The following PUDP variants were observed in gnomAD, a reference collection of about 807,000 sequenced individuals.
The protein encoded by PUDP is pseudouridine 5'-phosphatase, also known as pseudouridine-5'-phosphatase.
A neutral mutation model predicts 9.4 loss-of-function variants in PUDP; 8 were observed. The observed-to-expected ratio is 0.85, with a 90% CI of 0.50 to 1.53. The LOEUF is 1.53. Among genes scored for constraint, PUDP ranks in the 40% most tolerant of loss-of-function variants. The pLI, the probability that PUDP is intolerant of heterozygous loss-of-function variation, is 0.00. For missense variants in PUDP, 188 were observed against 189.7 expected (o/e 0.99, Z 0.05); for synonymous variants, 99 against 80.7 (o/e 1.23, Z -1.22).
chrX:7,047,848 C>T (rs1396038498), downstream of PUDP, among the ~76,000 whole-genome samples: 2 of 112,023 alleles, frequency 1.8e-5, no homozygotes, highest in South Asian at 7.5e-4. Context: ...CATTATAAAA[C>T]TTGTTCTAAT....
intron 3 of PUDP, among the ~76,000 whole-genome samples, chrX:6,874,336 A>G (rs1322459032): frequency 2.7e-5 from 3 of 112,003 alleles, no homozygotes. Context: ...TCACAGAGAA[A>G]ATAGAAGTCA....
intron 3 of PUDP, among the ~76,000 whole-genome samples, chrX:6,759,487 T>C (rs1039932502): frequency 4.5e-5 from 5 of 111,526 alleles, no homozygotes; most frequent in Admixed American, 1.9e-4. Flanking sequence ...TCTTTGGCTG[T>C]AGGGAGCTGT....
At chrX:7,087,198 T>A in intron 2 of PUDP, among the ~76,000 whole-genome samples, 1 of 111,562 alleles carries the variant, frequency 9.0e-6, no homozygotes, top group Non-Finnish European at 1.9e-5. Context: ...TAAATTAAGG[T>A]TGGACCCTAA....
intron 1 of PUDP, among the ~76,000 whole-genome samples, chrX:7,122,700 G>A (rs1264789887): frequency 5.4e-5 from 6 of 111,975 alleles, no homozygotes; most frequent in African/African-American, 1.9e-4. Flanking sequence ...TATAAAGACT[G>A]TGTGGATACA....
chrX:7,008,536 C>T lies in PUDP; in HGVS notation c.205-30193G>A, dbSNP rs948620728. Reference sequence around the variant, plus strand: ...GGCATTCAAAGAAATATTTTTCAATCTCTGATTTTTCTCTGGAAGTAGGAA... The same window carrying T: ...GGCATTCAAAGAAATATTTTTCAATTTCTGATTTTTCTCTGGAAGTAGGAA... On this transcript the variant is annotated intron_variant and NMD_transcript_variant, in intron 1 of 3. Transcript: ENST00000655425. 1.7e-4 allele frequency among the ~76,000 whole-genome samples: 19 copies of T among 111,201 alleles called. 1 individual carries two copies. The highest frequency in any genetic ancestry group is 6.2e-4 in the African/African-American group (19 of 30,412).
intron 3 of PUDP, among the ~76,000 whole-genome samples, chrX:7,072,869 A>C (rs1184879597): frequency 9.0e-6 from 1 of 111,127 alleles, no homozygotes; most frequent in Non-Finnish European, 1.9e-5. Context: ...ACTTGTAATA[A>C]ATATCAACCC....
At chrX:6,950,524 C>T (rs1469217950) in intron 3 of PUDP, among the ~76,000 whole-genome samples, 1 of 100,340 alleles carries the variant, frequency 1.0e-5, no homozygotes, top group East Asian at 3.3e-4. Flanking sequence ...CATTCTCCTG[C>T]CTCAGCCTCC....
chrX:6,850,940 C>T (rs1198988730), intron 3 of PUDP, among the ~76,000 whole-genome samples: 2 of 111,874 alleles, frequency 1.8e-5, no homozygotes, highest in East Asian at 2.8e-4. Flanking sequence ...GTGTAGCCTC[C>T]TTAGGGAAAA....
rs2379207 is a variant in PUDP, at chrX:7,077,376, C to T, written c.354G>A (p.Ala118=). Residue 118 remains alanine, a synonymous_variant, in exon 3 of 4, where the codon GCG becomes GCA. Coordinates refer to ENST00000381077, the MANE Select transcript of PUDP (RefSeq NM_012080.5). ...GGCGGCTTGTCTTCATATCGAACGA[C>T]GCGGACCCCGAGCTGGTGGCCAGTG... ...PFALATSSGS[A]SFDMKTSRHK... 317,881 of 1,207,107 alleles carry T rather than the reference C, an allele frequency of 0.26. 29,994 individuals carry two copies. The highest frequency in any genetic ancestry group is 0.46 in the Admixed American group (20,836 of 45,263).
chrX:6,787,603 AATT>A, intron 3 of PUDP, among the ~76,000 whole-genome samples: 1 of 112,354 alleles, frequency 8.9e-6, no homozygotes, highest in Non-Finnish European at 1.9e-5. Flanking sequence ...AACTGTAGGT[AATT>A]ATCTTTCCCT....
chrX:6,979,384 G>C (rs189329901), intron 1 of PUDP, among the ~76,000 whole-genome samples: 1 of 111,831 alleles, frequency 8.9e-6, no homozygotes, highest in East Asian at 2.8e-4. Context: ...AAAAAAGCAA[G>C]TGAAATTGCC....
At chrX:7,027,875 ATAT>A (rs1929739418) in intron 1 of PUDP, among the ~76,000 whole-genome samples, 1 of 82,129 alleles carries the variant, frequency 1.2e-5, no homozygotes, top group African/African-American at 4.6e-5. Flanking sequence ...TATATAGAAT[ATAT>A]TATTTTCTAT....
intron 1 of PUDP, among the ~76,000 whole-genome samples, chrX:7,138,457 C>T (rs1297575289): frequency 1.8e-5 from 2 of 109,395 alleles, no homozygotes; most frequent in Non-Finnish European, 3.8e-5. Flanking sequence ...ACTACAACCT[C>T]CGCCTCCCAG....
chrX:7,057,867 G>T, intron 3 of PUDP: 2 of 973,089 alleles, frequency 2.1e-6, no homozygotes, highest in Non-Finnish European at 2.8e-6. Context: ...AGGAGGCAGT[G>T]TCAGGAGCTA....
At chrX:6,833,576 T>C (rs1471896367) in intron 3 of PUDP, among the ~76,000 whole-genome samples, 1 of 110,727 alleles carries the variant, frequency 9.0e-6, no homozygotes, top group Non-Finnish European at 1.9e-5. Context: ...AGTGGGTGAA[T>C]GGATGAATGG....
chrX:6,823,103 G>T (rs5989501), intron 3 of PUDP, among the ~76,000 whole-genome samples: 15 of 110,689 alleles, frequency 1.4e-4, no homozygotes, highest in Non-Finnish European at 3.8e-5. Context: ...CTGTAGCCCA[G>T]GGAGGTGAGG....
chrX:6,943,271 C>T (rs1050999976), intron 3 of PUDP, among the ~76,000 whole-genome samples: 4 of 112,110 alleles, frequency 3.6e-5, no homozygotes, highest in Non-Finnish European at 7.5e-5. Context: ...AGAGAGCCCT[C>T]ATCACTAGTA....
chrX:6,744,584 T>C (rs1233357740), intron 3 of PUDP, among the ~76,000 whole-genome samples: 1 of 111,050 alleles, frequency 9.0e-6, no homozygotes, highest in Non-Finnish European at 1.9e-5. Flanking sequence ...ATTTAAATAT[T>C]TATTATAGCC....
intron 1 of PUDP, chrX:7,117,003 C>A (rs1453134844): frequency 8.6e-7 from 1 of 1,167,297 alleles, no homozygotes; most frequent in Non-Finnish European, 1.1e-6. Flanking sequence ...AGGACTCCCC[C>A]GAAGCAGCTG....
Sources: allele counts gnomAD v4.1 joint callset (sites outside exome capture counted in the v4.1 genomes callset), GRCh38; gene constraint gnomAD v4.1.1; transcripts MANE v1.5; gene names NCBI Gene and HGNC (gene_info 2026-07-23, HGNC 2026-07-21).